Variants in TRIP12 observed in about 807,000 individuals in gnomAD.
TRIP12 encodes the protein E3 ubiquitin-protein ligase TRIP12.
In TRIP12, 25 loss-of-function variants were observed where a neutral mutation model predicts 244.2. The observed-to-expected ratio is 0.10, with a 90% CI of 0.07 to 0.14. TRIP12 has a LOEUF of 0.14. TRIP12 is among the 10% of genes least tolerant of loss of function. TRIP12 has a pLI of 1.00. For missense variants in TRIP12, 1,677 were observed against 2,486.4 expected, an observed-to-expected ratio of 0.67 and a Z score of 6.92; for synonymous variants, 905 against 873.1, an observed-to-expected ratio of 1.04 and a Z score of -0.64.
chr2:229,895,901 C>T (rs1454481780), intron 1 of TRIP12, among the ~76,000 whole-genome samples: 1 of 152,052 alleles, frequency 6.6e-6, no homozygotes, highest in East Asian at 1.9e-4. Flanking sequence ...GCAGGAGGAT[C>T]GCTTGAGCCC....
chr2:229,792,281 A>AG, intron 27 of TRIP12, 55 bp from the exon 28 acceptor site: 14 of 1,548,692 alleles, frequency 9.0e-6, no homozygotes, highest in African/African-American at 1.4e-5. Context: ...TAAAAAAAAA[A>AG]AAATCCTGTA....
chr2:229,900,862 TAAAAAA>T (rs774208884), intron 1 of TRIP12: 1 of 140,562 alleles, frequency 7.1e-6, no homozygotes, highest in African/African-American at 2.6e-5. Context: ...ACTCTGTCTT[TAAAAAA>T]AAAAAAAAGT....
At chr2:229,825,553 C>T (rs1273013768) in intron 8 of TRIP12, among the ~76,000 whole-genome samples, 1 of 152,158 alleles carries the variant, frequency 6.6e-6, no homozygotes, top group Non-Finnish European at 1.5e-5. Flanking sequence ...GAAGGCACTT[C>T]CTCACAGGGC....
At chr2:229,906,724 C>CAAAAAAAA (rs796721054) in intron 1 of TRIP12, among the ~76,000 whole-genome samples, 1 of 68,330 alleles carries the variant, frequency 1.5e-5, no homozygotes. Flanking sequence ...CACCTCAAAA[C>CAAAAAAAA]AAAAAAAAAA....
intron 25 of TRIP12, among the ~76,000 whole-genome samples, chr2:229,795,605 A>G (rs1420900279): frequency 2.6e-5 from 4 of 152,252 alleles, no homozygotes; most frequent in African/African-American, 4.8e-5. Flanking sequence ...CCAAACAGAC[A>G]TAAGGCTATT....
In TRIP12 at chr2:229,796,780, C is replaced by T. The variant is rs752271162; in HGVS notation, c.3627G>A (p.Val1209=). The T allele has an allele frequency of 6.4e-7, 1 of 1,565,380 alleles. No homozygotes were observed. The highest frequency in any genetic ancestry group is 8.6e-7 in the Non-Finnish European group (1 of 1,161,784). The change falls in exon 25 of 42, where the codon GTG becomes GTA. Residue 1209 remains valine (V), a splice_region_variant and synonymous_variant. Coordinates refer to ENST00000675903, the MANE Select transcript of TRIP12 (RefSeq NM_001348323.3). Reference sequence around the variant, plus strand: ...CTACAAGGCACTCAGCTCCACCATCCACCTGAAAGAGTTAGGAAAAGTATT... The same window carrying T: ...CTACAAGGCACTCAGCTCCACCATCTACCTGAAAGAGTTAGGAAAAGTATT... ...CAATEQLNLQ[V]DGGAECLVEI...
At chr2:229,811,518 T>C (rs535708106) in intron 13 of TRIP12, among the ~76,000 whole-genome samples, 2 of 152,078 alleles carry the variant, frequency 1.3e-5, no homozygotes, top group African/African-American at 4.8e-5. Flanking sequence ...AAGAAATATA[T>C]AAATATCCTA....
At chr2:229,892,820 T>C (rs525262) in intron 1 of TRIP12, among the ~76,000 whole-genome samples, 148,809 of 152,194 alleles carry the variant, frequency 0.98, 72,846 homozygotes, top group Middle Eastern at 1. Flanking sequence ...GGGCTGAGAT[T>C]GCACCACTGC....
chr2:229,871,627 T>G (rs1002972377), intron 2 of TRIP12, among the ~76,000 whole-genome samples: 4 of 152,352 alleles, frequency 2.6e-5, no homozygotes, highest in Middle Eastern at 6.8e-3. Context: ...AGCGCCACAC[T>G]TTTTGTACAG....
intron 18 of TRIP12, among the ~76,000 whole-genome samples, chr2:229,804,992 G>A (rs1219698906): frequency 3.3e-5 from 5 of 152,188 alleles, no homozygotes; most frequent in South Asian, 2.1e-4. Flanking sequence ...TGCAAGCTCC[G>A]CTTCCCGGGT....
rs750002850 is a variant in TRIP12, at chr2:229,778,450, T to C, written c.5347A>G (p.Ile1783Val). 2 of 1,614,068 alleles carry C rather than the reference T, an allele frequency of 1.2e-6. No homozygotes were observed. Residue 1783 changes from isoleucine to valine, a missense_variant, in exon 36 of 42, where the codon ATC becomes GTC. Ile to Val is a conservative substitution (Grantham distance 29). Transcript: ENST00000675903. The surrounding 1 kb of genome is among the most constrained non-coding windows in gnomAD (Gnocchi z 4.1). ...RFLGKLMAKA[I>V]MDFRLVDLPL... ...AAACTTACCAATCTGAAATCCATGA[T>C]AGCCTTGGCCATTAATTTTCCTAAG...
intron 1 of TRIP12, among the ~76,000 whole-genome samples, chr2:229,903,010 C>CTTTTTCTT (rs1553767672): frequency 1.6e-4 from 4 of 25,666 alleles, no homozygotes; most frequent in African/African-American, 4.7e-4. Flanking sequence ...TTTTCTTTTT[C>CTTTTTCTT]TTTTTTTCTT....
chr2:229,917,380 CAAAAAAAAAAAAAAA>C lies in TRIP12; in HGVS notation c.-50+4485_-50+4499del, dbSNP rs60397605. The stretch of plus-strand genomic sequence containing the variant: ...TGGGCAACAGAGCGAGACTCTGTCT[CAAAAAAAAAAAAAAA>C]AAAAAAAAAAAAAAAAAAAAAAAAT... On this transcript the variant is annotated intron_variant, in intron 1 of 41. Coordinates refer to ENST00000675903, the MANE Select transcript of TRIP12 (RefSeq NM_001348323.3). 6.3e-3 allele frequency among the ~76,000 whole-genome samples: 185 copies of C among 29,248 alleles called. 2 individuals are homozygous for C. The highest frequency in any genetic ancestry group is 0.018 in the South Asian group (8 of 448). The allele number at this position is 29,248 out of a possible 152,430, so 19.2% of individuals were successfully genotyped here.
chr2:229,889,471 A>T (rs188952037), intron 1 of TRIP12, among the ~76,000 whole-genome samples: 2 of 152,314 alleles, frequency 1.3e-5, no homozygotes, highest in Admixed American at 1.3e-4. Flanking sequence ...TCAGGTCTCA[A>T]AAGCACACAG....
intron 2 of TRIP12, among the ~76,000 whole-genome samples, chr2:229,866,466 G>A (rs2061525748): frequency 6.6e-6 from 1 of 152,122 alleles, no homozygotes; most frequent in Non-Finnish European, 1.5e-5. Flanking sequence ...TTTGTAAAAT[G>A]CTAAGACATT....
At chr2:229,896,226 T>C (rs1304573828) in intron 1 of TRIP12, among the ~76,000 whole-genome samples, 2 of 152,118 alleles carry the variant, frequency 1.3e-5, no homozygotes, top group African/African-American at 4.8e-5. Flanking sequence ...CAACAGGAAC[T>C]TGGTAAATGG....
chr2:229,823,237 G>C (rs1263329322), intron 8 of TRIP12, among the ~76,000 whole-genome samples: 1 of 152,128 alleles, frequency 6.6e-6, no homozygotes, highest in East Asian at 1.9e-4. Flanking sequence ...TTCAGTGAAG[G>C]GCAAGCACAT....
At chr2:229,845,201 G>A (rs1300849311) in intron 4 of TRIP12, among the ~76,000 whole-genome samples, 1 of 152,232 alleles carries the variant, frequency 6.6e-6, no homozygotes, top group African/African-American at 2.4e-5. Context: ...AGCCAAGCCT[G>A]AAGCTAGGCA....
chr2:229,769,156 C>T, intron 40 of TRIP12, 75 bp downstream of exon 40: 2 of 1,228,556 alleles, frequency 1.6e-6, no homozygotes, highest in Non-Finnish European at 2.3e-6. Flanking sequence ...CACATGTGCG[C>T]ATGTGTGTGT....
Sources: gnomAD v4.1 joint callset for allele counts (sites outside exome capture counted in the v4.1 genomes callset) on GRCh38, gnomAD v4.1.1 for gene constraint, Gnocchi (gnomAD v3.1) non-coding constraint, MANE v1.5 for transcripts, NCBI Gene and HGNC (gene_info 2026-07-23, HGNC 2026-07-21) for gene names.